Variants in SPOCK3 observed in about 807,000 individuals in gnomAD.
SPOCK3 encodes SPARC (osteonectin), cwcv and kazal like domains proteoglycan 3, also known as testican-3.
SPOCK3 carries 30 observed loss-of-function variants against 56.6 expected under a neutral mutation model. The observed-to-expected ratio is 0.53, with a 90% CI of 0.40 to 0.72. The LOEUF (loss-of-function observed/expected upper bound fraction) is 0.72, where lower values mean the gene tolerates loss of function less well. Ranked by LOEUF, SPOCK3 falls within the 30% of genes least tolerant of loss-of-function variation. The probability of loss-of-function intolerance (pLI) is 0.00; values close to 1 mark genes in which losing one functional copy is unlikely to be tolerated. For synonymous variants in SPOCK3, 196 were observed against 183.3 expected (o/e 1.07, Z -0.56); for missense variants, 527 against 530.0 (o/e 0.99, Z 0.06).
intron 7 of SPOCK3, among the ~76,000 whole-genome samples, chr4:166,788,919 A>G (rs1741033943): frequency 6.6e-6 from 1 of 152,124 alleles, no homozygotes; most frequent in African/African-American, 2.4e-5. Flanking sequence ...ATTTTTAACA[A>G]TAGTATCAAA....
chr4:167,157,612 T>A (rs1764926587), intron 2 of SPOCK3, among the ~76,000 whole-genome samples: 1 of 143,338 alleles, frequency 7.0e-6, no homozygotes, highest in Non-Finnish European at 1.5e-5. Context: ...TAGGAAAGGT[T>A]TTTTTTAAAA....
chr4:166,796,783 T>C (rs1489443637), intron 6 of SPOCK3, among the ~76,000 whole-genome samples: 1 of 152,168 alleles, frequency 6.6e-6, no homozygotes, highest in Non-Finnish European at 1.5e-5. Context: ...CTTCCAACAA[T>C]GTAATGTTTA....
chr4:166,779,925 G>C (rs907414725), intron 7 of SPOCK3, among the ~76,000 whole-genome samples: 1 of 151,940 alleles, frequency 6.6e-6, no homozygotes, highest in South Asian at 2.1e-4. Flanking sequence ...AAATTTTAGA[G>C]ACCAAAAATG....
At chr4:167,091,288 T>G (rs1758676221) in intron 2 of SPOCK3, among the ~76,000 whole-genome samples, 1 of 152,180 alleles carries the variant, frequency 6.6e-6, no homozygotes, top group African/African-American at 2.4e-5. Context: ...AACAATGAAC[T>G]GATTACAAGT....
chr4:167,230,519 A>AC (rs1737062239), intron 2 of SPOCK3, among the ~76,000 whole-genome samples: 1 of 151,178 alleles, frequency 6.6e-6, no homozygotes, highest in Non-Finnish European at 1.5e-5. Context: ...AAAAAAAAAA[A>AC]ACCAGCATGT....
chr4:166,953,970 A>G (rs577226738), intron 4 of SPOCK3, among the ~76,000 whole-genome samples: 2 of 152,240 alleles, frequency 1.3e-5, no homozygotes, highest in South Asian at 2.1e-4. Flanking sequence ...GCATTGGGAG[A>G]TATATCTAAT....
chr4:166,771,466 A>T (rs1738920886), intron 7 of SPOCK3, among the ~76,000 whole-genome samples: 1 of 152,124 alleles, frequency 6.6e-6, no homozygotes, highest in African/African-American at 2.4e-5. Context: ...AAACAAACAA[A>T]GCAAGGTAGT....
intron 6 of SPOCK3, among the ~76,000 whole-genome samples, chr4:166,830,147 C>T (rs528379346): frequency 6.6e-6 from 1 of 152,158 alleles, no homozygotes; most frequent in East Asian, 1.9e-4. Context: ...TTTGCGTATC[C>T]TAATCTAGAC....
chr4:166,753,530 T>C (rs1579123975), intron 8 of SPOCK3, among the ~76,000 whole-genome samples: 2 of 152,172 alleles, frequency 1.3e-5, no homozygotes, highest in African/African-American at 4.8e-5. Flanking sequence ...TTTATGCATA[T>C]TCATTTCATC....
rs548434697 is a variant in SPOCK3 at position 167,019,066 on chromosome 4, C to T, written c.236-18603G>A. On this transcript the variant is annotated intron_variant, in intron 3 of 10. Coordinates refer to ENST00000357545, the MANE Select transcript of SPOCK3 (RefSeq NM_001040159.2). ...TTTCCCAAGAGGCAGTGGATGCACCCGACACACCACCAACTCATTATAAGT... is the reference window on the plus strand; with the variant it reads ...TTTCCCAAGAGGCAGTGGATGCACCTGACACACCACCAACTCATTATAAGT... 3.9e-5 allele frequency among the ~76,000 whole-genome samples: 6 copies of T among 152,086 alleles called. No individual in the cohort carries two copies. In the East Asian group the frequency reaches 5.8e-4, roughly 15 times the overall value.
intron 2 of SPOCK3, among the ~76,000 whole-genome samples, chr4:167,093,895 A>T (rs1376116589): frequency 6.6e-6 from 1 of 152,166 alleles, no homozygotes. Context: ...ATGTCAAATG[A>T]TGACTCTTCT....
intron 4 of SPOCK3, among the ~76,000 whole-genome samples, chr4:166,973,224 T>C (rs1213570896): frequency 3.3e-5 from 5 of 152,162 alleles, no homozygotes; most frequent in African/African-American, 9.7e-5. Context: ...AGGTGCCTTC[T>C]TCCCCTTCAC....
intron 2 of SPOCK3, among the ~76,000 whole-genome samples, chr4:167,151,435 C>CTT (rs5863862): frequency 9.4e-5 from 9 of 95,636 alleles, no homozygotes; most frequent in African/African-American, 3.5e-4. Context: ...CCTTTTTTTT[C>CTT]TTTTTTTTTT....
At chr4:167,126,236 C>T (rs1762265564) in intron 2 of SPOCK3, among the ~76,000 whole-genome samples, 1 of 152,136 alleles carries the variant, frequency 6.6e-6, no homozygotes, top group Non-Finnish European at 1.5e-5. Flanking sequence ...CTGGACAAGT[C>T]TGTGAAGACC....
At chr4:166,879,765 T>G (rs9996631) in intron 6 of SPOCK3, among the ~76,000 whole-genome samples, 1 of 152,148 alleles carries the variant, frequency 6.6e-6, no homozygotes, top group Non-Finnish European at 1.5e-5. Flanking sequence ...CTCATATCTC[T>G]TGTTGGATTT....
intron 7 of SPOCK3, among the ~76,000 whole-genome samples, chr4:166,768,017 C>CTT (rs200953499): frequency 8.7e-4 from 97 of 111,230 alleles, no homozygotes; most frequent in African/African-American, 2.6e-3. Context: ...GCAAACCCTG[C>CTT]TTTTTTTGTT....
intron 2 of SPOCK3, among the ~76,000 whole-genome samples, chr4:167,132,264 C>G (rs1762766112): frequency 6.6e-6 from 1 of 152,192 alleles, no homozygotes; most frequent in African/African-American, 2.4e-5. Flanking sequence ...GAACTACAGT[C>G]AACTCTTTTT....
intron 3 of SPOCK3, among the ~76,000 whole-genome samples, chr4:167,050,365 A>G (rs986379707): frequency 1.3e-5 from 2 of 152,200 alleles, no homozygotes; most frequent in African/African-American, 2.4e-5. Flanking sequence ...ACACAATCAC[A>G]TTCACAACCA....
At chr4:166,866,946 G>A (rs960782136) in intron 6 of SPOCK3, among the ~76,000 whole-genome samples, 29 of 151,982 alleles carry the variant, frequency 1.9e-4, no homozygotes, top group Non-Finnish European at 3.4e-4. Context: ...ATTATTTATC[G>A]TACACAAAAC....
Sources: allele counts gnomAD v4.1 joint callset (sites outside exome capture counted in the v4.1 genomes callset), GRCh38; gene constraint gnomAD v4.1.1; transcripts MANE v1.5; gene names NCBI Gene and HGNC (gene_info 2026-07-23, HGNC 2026-07-21).